The following SEMA3D variants were observed in gnomAD, a reference collection of about 807,000 sequenced individuals.
SEMA3D encodes semaphorin 3D.
In SEMA3D, 84 loss-of-function variants were observed where a neutral mutation model predicts 100.1. That is an observed-to-expected ratio of 0.84 (90% CI 0.70 to 1.01). The LOEUF (loss-of-function observed/expected upper bound fraction) is 1.01, where lower values mean the gene tolerates loss of function less well. Among genes scored for constraint, SEMA3D ranks in the 50% least tolerant of loss-of-function variants. The probability of loss-of-function intolerance (pLI) is 0.00; values close to 1 mark genes in which losing one functional copy is unlikely to be tolerated. For synonymous variants in SEMA3D, 312 were observed against 320.7 expected, an observed-to-expected ratio of 0.97 and a Z score of 0.29; for missense variants, 875 against 934.1, an observed-to-expected ratio of 0.94 and a Z score of 0.82.
chr7:85,096,834 T>A (rs1788569955), intron 4 of SEMA3D, among the ~76,000 whole-genome samples: 1 of 151,872 alleles, frequency 6.6e-6, no homozygotes, highest in African/African-American at 2.4e-5. Flanking sequence ...CATTGTAGAT[T>A]AATACTGTAT....
the SEMA3D span, among the ~76,000 whole-genome samples, chr7:85,209,183 C>A: frequency 6.6e-6 from 1 of 151,830 alleles, no homozygotes; most frequent in Non-Finnish European, 1.5e-5. Context: ...AAAACCAAGT[C>A]TGGTATAAAT....
At chr7:85,122,668 A>T (rs1338745954) in intron 2 of SEMA3D, among the ~76,000 whole-genome samples, 1 of 152,166 alleles carries the variant, frequency 6.6e-6, no homozygotes, top group African/African-American at 2.4e-5. Context: ...GAGTTTAGAG[A>T]CATCTAAAAA....
chr7:85,236,293 A>G, the SEMA3D span, among the ~76,000 whole-genome samples: 1 of 145,264 alleles, frequency 6.9e-6, no homozygotes, highest in Admixed American at 6.9e-5. Flanking sequence ...TTATTTATTT[A>G]TTTATTTATT....
At chr7:85,128,786 G>A (rs1789636265) in intron 2 of SEMA3D, among the ~76,000 whole-genome samples, 1 of 151,174 alleles carries the variant, frequency 6.6e-6, no homozygotes, top group Non-Finnish European at 1.5e-5. Flanking sequence ...CCAAGTTAGT[G>A]GCTCCATGGT....
chr7:85,047,900 C>T (rs1228649852), intron 9 of SEMA3D, among the ~76,000 whole-genome samples: 1 of 151,848 alleles, frequency 6.6e-6, no homozygotes, highest in Non-Finnish European at 1.5e-5. Flanking sequence ...GAATGAAATT[C>T]TCAGACACTT....
intron 4 of SEMA3D, among the ~76,000 whole-genome samples, chr7:85,093,956 G>A (rs545726555): frequency 6.6e-6 from 1 of 152,066 alleles, no homozygotes; most frequent in African/African-American, 2.4e-5. Flanking sequence ...GTGAGGTGAA[G>A]CCTTGGAGAG....
chr7:85,190,203 AAAG>A (rs1297224649), upstream of SEMA3D, among the ~76,000 whole-genome samples: 1 of 152,178 alleles, frequency 6.6e-6, no homozygotes, highest in Non-Finnish European at 1.5e-5. Context: ...GGTGAATTTG[AAAG>A]AAAATTATTG....
intron 18 of SEMA3D, among the ~76,000 whole-genome samples, chr7:85,003,599 TAA>T (rs1789713439): frequency 7.2e-6 from 1 of 138,654 alleles, no homozygotes; most frequent in South Asian, 2.2e-4. Context: ...AAATGTAAAA[TAA>T]AATAAATGTA....
chr7:85,191,367 T>C (rs1252971580), upstream of SEMA3D, among the ~76,000 whole-genome samples: 1 of 146,554 alleles, frequency 6.8e-6, no homozygotes, highest in Non-Finnish European at 1.5e-5. Flanking sequence ...TAAGGAAAAA[T>C]AAACAACTTT....
At chr7:85,124,979 T>C (rs565400389) in intron 2 of SEMA3D, among the ~76,000 whole-genome samples, 2 of 152,244 alleles carry the variant, frequency 1.3e-5, no homozygotes, top group South Asian at 2.1e-4. Context: ...CATTATTTCT[T>C]GTATTCACAT....
intron 18 of SEMA3D, among the ~76,000 whole-genome samples, chr7:85,002,820 A>G (rs1037458201): frequency 6.6e-6 from 1 of 152,172 alleles, no homozygotes. Flanking sequence ...TAACATGAGA[A>G]GAGTAACATG....
intron 1 of SEMA3D, among the ~76,000 whole-genome samples, chr7:85,168,221 T>C (rs2116537379): frequency 6.6e-6 from 1 of 151,910 alleles, no homozygotes; most frequent in African/African-American, 2.4e-5. Flanking sequence ...TTGCTTAATA[T>C]TTGGGTGGCT....
chr7:85,031,037 A>T (rs1790533278), intron 12 of SEMA3D, among the ~76,000 whole-genome samples: 1 of 152,030 alleles, frequency 6.6e-6, no homozygotes, highest in Admixed American at 6.6e-5. Flanking sequence ...AAGGAATTCT[A>T]TAATATATCC....
chr7:85,060,964 C>G (rs770166824), intron 8 of SEMA3D, among the ~76,000 whole-genome samples: 2 of 152,082 alleles, frequency 1.3e-5, no homozygotes, highest in Non-Finnish European at 2.9e-5. Flanking sequence ...TTTCATCTTC[C>G]AAGTGGTCAC....
chr7:85,086,533 C>A (rs1287992976), intron 4 of SEMA3D, among the ~76,000 whole-genome samples: 1 of 151,484 alleles, frequency 6.6e-6, no homozygotes, highest in Non-Finnish European at 1.5e-5. Flanking sequence ...TATATATAAT[C>A]TTTATATAAT....
chr7:85,187,727 C>T (rs569379267), upstream of SEMA3D, among the ~76,000 whole-genome samples: 1 of 152,190 alleles, frequency 6.6e-6, no homozygotes, highest in Non-Finnish European at 1.5e-5. Flanking sequence ...GAACCTGGAT[C>T]CTATGCAATT....
At chr7:85,241,467 G>GTGTGTGTGTGTATATATATATATATATA in the SEMA3D span, among the ~76,000 whole-genome samples, 1 of 92,002 alleles carries the variant, frequency 1.1e-5, no homozygotes, top group African/African-American at 5.5e-5. Context: ...CTGTGTGTGT[G>GTGTGTGTGTGTATATATATATATATATA]TATATATATA....
At chr7:85,250,020 A>G in the SEMA3D span, among the ~76,000 whole-genome samples, 1 of 152,130 alleles carries the variant, frequency 6.6e-6, no homozygotes, top group Non-Finnish European at 1.5e-5. Flanking sequence ...CGCACCGTGC[A>G]CGAGCCAAAG....
chr7:85,102,998 T>A (rs998507073), intron 3 of SEMA3D, among the ~76,000 whole-genome samples: 4 of 152,060 alleles, frequency 2.6e-5, no homozygotes, highest in Non-Finnish European at 4.4e-5. Context: ...CGATTAAACA[T>A]CCTTCAACAA....
Sources: allele counts gnomAD v4.1 joint callset (sites outside exome capture counted in the v4.1 genomes callset), GRCh38; gene constraint gnomAD v4.1.1; transcripts MANE v1.5; gene names NCBI Gene and HGNC (gene_info 2026-07-23, HGNC 2026-07-21).